Variants in CTNNA3 observed in about 807,000 individuals in gnomAD.
CTNNA3 encodes the protein catenin alpha 3.
Under a neutral mutation model 95.7 loss-of-function variants are expected in CTNNA3, and 76 were observed. The observed-to-expected ratio is 0.79, with a 90% CI of 0.66 to 0.96. The LOEUF is 0.96. Ranked by LOEUF, CTNNA3 falls within the 40% of genes least tolerant of loss-of-function variation. CTNNA3 has a pLI of 0.00. For missense variants in CTNNA3, 1,191 were observed against 1,089.8 expected (o/e 1.09, Z -1.31); for synonymous variants, 431 against 374.4 (o/e 1.15, Z -1.74).
intron 10 of CTNNA3, among the ~76,000 whole-genome samples, chr10:66,536,481 C>A (rs868392275): frequency 5.8e-3 from 671 of 115,968 alleles, no homozygotes; most frequent in Middle Eastern, 9.0e-3. Context: ...GACTCTGTCT[C>A]AAAAAAAAAA....
intron 13 of CTNNA3, among the ~76,000 whole-genome samples, chr10:66,224,678 C>T (rs1443284912): frequency 6.6e-6 from 1 of 152,090 alleles, no homozygotes; most frequent in Non-Finnish European, 1.5e-5. Context: ...TCCTTAAGTA[C>T]TAAGAAATGT....
At chr10:67,522,453 G>T (rs1401369908) in intron 4 of CTNNA3, among the ~76,000 whole-genome samples, 1 of 151,996 alleles carries the variant, frequency 6.6e-6, no homozygotes, top group Non-Finnish European at 1.5e-5. Context: ...TGCAGAATAG[G>T]TCACCCAACA....
intron 9 of CTNNA3, among the ~76,000 whole-genome samples, chr10:66,665,363 T>C (rs993255710): frequency 6.6e-6 from 1 of 152,162 alleles, no homozygotes; most frequent in Non-Finnish European, 1.5e-5. Flanking sequence ...AGTCAACACA[T>C]AATAATAACA....
At chr10:67,178,356 T>C (rs2132131107) in intron 7 of CTNNA3, among the ~76,000 whole-genome samples, 1 of 152,142 alleles carries the variant, frequency 6.6e-6, no homozygotes, top group Non-Finnish European at 1.5e-5. Context: ...ATATAGTCAC[T>C]TTATAAGTAC....
intron 4 of CTNNA3, among the ~76,000 whole-genome samples, chr10:67,528,174 C>A (rs1840208162): frequency 6.6e-6 from 1 of 152,122 alleles, no homozygotes; most frequent in South Asian, 2.1e-4. Context: ...ACATTCAATT[C>A]TTTAGGGATG....
At chr10:66,785,251 T>G (rs895757540) in intron 7 of CTNNA3, among the ~76,000 whole-genome samples, 2 of 152,170 alleles carry the variant, frequency 1.3e-5, no homozygotes, top group Non-Finnish European at 2.9e-5. Flanking sequence ...CAAGGAACCC[T>G]CAAAATCACC....
chr10:67,386,596 A>C (rs1210290396), intron 5 of CTNNA3, among the ~76,000 whole-genome samples: 1 of 152,212 alleles, frequency 6.6e-6, no homozygotes, highest in Admixed American at 6.5e-5. Context: ...GAAGTGAACA[A>C]AAAGGAAAGA....
chr10:67,138,702 A>T (rs897917711), intron 7 of CTNNA3, among the ~76,000 whole-genome samples: 2 of 152,176 alleles, frequency 1.3e-5, no homozygotes, highest in Non-Finnish European at 2.9e-5. Context: ...TTCTCAGATG[A>T]TTTGCCCATA....
rs116639390 is a variant in CTNNA3 at position 66,775,633 on chromosome 10, T to C, written c.1048-109A>G. ...TAACAGCTTGAAATTCAAGAATAGG[T>C]TTCAAAACTGCTATATTATATATGA... On this transcript the variant is annotated intron_variant, in intron 7 of 17. Transcript: ENST00000433211. 971 of 726,338 alleles carry C rather than the reference T, an allele frequency of 1.3e-3. 6 individuals carry two copies. The African/African-American group carries it at 0.015, about 11-fold the overall frequency. The allele number at this position is 726,338 out of a possible 1,614,324, so 45.0% of individuals were successfully genotyped here. A position where few individuals can be genotyped will look rare whatever the true frequency, so the allele number is the denominator to read the frequency against.
chr10:67,504,454 A>AAAAAAAAAAAAAAG, intron 5 of CTNNA3, among the ~76,000 whole-genome samples: 2 of 150,318 alleles, frequency 1.3e-5, no homozygotes, highest in Non-Finnish European at 3.0e-5. Flanking sequence ...AAAAAAAAAA[A>AAAAAAAAAAAAAAG]AAAAAACAGA....
chr10:66,745,972 G>A (rs981391722), intron 9 of CTNNA3, among the ~76,000 whole-genome samples: 1 of 152,052 alleles, frequency 6.6e-6, no homozygotes, highest in East Asian at 1.9e-4. Context: ...CCATGATAAG[G>A]CATTAGATAA....
rs140754992 is a variant in CTNNA3 at position 67,661,285 on chromosome 10, AGGAG to A, written c.-5-13771_-5-13768del. On this transcript the variant is annotated intron_variant, in intron 1 of 17. Transcript: ENST00000433211. ...AGAAAAGGAAGGAAGAAAGAGAAAA[AGGAG>A]GGAGGGAGGGAGGGAAGAAAGAAGG... Among the ~76,000 whole-genome samples, 1,032 of 141,906 alleles carry A rather than the reference AGGAG, an allele frequency of 7.3e-3. 10 individuals carry two copies. Among genetic ancestry groups the A allele is most frequent in the African/African-American group, 0.023 (898 of 39,796 alleles). 93.1% of individuals were successfully genotyped at this position (141,906 alleles called of 152,430 possible).
At chr10:66,125,606 G>A (rs567430154) in intron 13 of CTNNA3, among the ~76,000 whole-genome samples, 2 of 152,290 alleles carry the variant, frequency 1.3e-5, no homozygotes, top group East Asian at 3.9e-4. Flanking sequence ...AAATGTGAAA[G>A]GTCTGCAGCA....
At chr10:66,722,239 G>A (rs1467851806) in intron 9 of CTNNA3, among the ~76,000 whole-genome samples, 6 of 151,992 alleles carry the variant, frequency 3.9e-5, no homozygotes, top group Non-Finnish European at 5.9e-5. Flanking sequence ...TTAGCCGGGC[G>A]TGGTGGCAGG....
chr10:67,319,489 A>C (rs1841215868), intron 5 of CTNNA3, among the ~76,000 whole-genome samples: 1 of 152,134 alleles, frequency 6.6e-6, no homozygotes. Flanking sequence ...GTACATGCAA[A>C]ATTTTGCAAT....
At chr10:67,684,376 T>G (rs1840689080) in intron 1 of CTNNA3, among the ~76,000 whole-genome samples, 3 of 152,172 alleles carry the variant, frequency 2.0e-5, no homozygotes, top group African/African-American at 7.2e-5. Flanking sequence ...ATTTGTGCGT[T>G]TTTACAGAGT....
At chr10:66,499,937 G>T (rs556601744) in intron 11 of CTNNA3, among the ~76,000 whole-genome samples, 3 of 151,772 alleles carry the variant, frequency 2.0e-5, no homozygotes, top group Admixed American at 1.3e-4. Flanking sequence ...GGAGTAGCTG[G>T]GATTACAGGT....
chr10:67,558,499 G>A (rs944853495), intron 3 of CTNNA3, among the ~76,000 whole-genome samples: 8 of 152,144 alleles, frequency 5.3e-5, no homozygotes, highest in African/African-American at 9.7e-5. Flanking sequence ...ATCTGAATGC[G>A]GCTGGCAGCC....
At chr10:66,473,821 C>T (rs149950606) in intron 11 of CTNNA3, among the ~76,000 whole-genome samples, 5,504 of 151,986 alleles carry the variant, frequency 0.036, 349 homozygotes, top group African/African-American at 0.13. Flanking sequence ...CAGCTTCATC[C>T]ATGTCCCTAC....
Sources: gnomAD v4.1 joint callset for allele counts (sites outside exome capture counted in the v4.1 genomes callset) on GRCh38, gnomAD v4.1.1 for gene constraint, MANE v1.5 for transcripts, NCBI Gene and HGNC (gene_info 2026-07-23, HGNC 2026-07-21) for gene names.